Variants in CEP170 observed in about 807,000 individuals in gnomAD.
CEP170 encodes the protein centrosomal protein of 170 kDa.
Under a neutral mutation model 151.9 loss-of-function variants are expected in CEP170, and 21 were observed. The ratio of observed to expected loss-of-function variants is 0.14; its 90% CI spans 0.10 to 0.20. The LOEUF is 0.20. Ranked by LOEUF, CEP170 falls within the 10% of genes least tolerant of loss-of-function variation. CEP170 has a pLI of 1.00. For missense variants in CEP170, 964 were observed against 1,892.9 expected (o/e 0.51, Z 9.11); for synonymous variants, 356 against 648.8 (o/e 0.55, Z 6.86).
intron 1 of CEP170, among the ~76,000 whole-genome samples, chr1:243,246,193 CAG>C (rs1283315947): frequency 6.8e-6 from 1 of 147,900 alleles, no homozygotes; most frequent in African/African-American, 2.5e-5. Flanking sequence ...CACAGAAATT[CAG>C]AGTTAGAAAT....
At chr1:243,193,448 C>A (rs1183559456) in intron 7 of CEP170, among the ~76,000 whole-genome samples, 1 of 151,700 alleles carries the variant, frequency 6.6e-6, no homozygotes, top group Non-Finnish European at 1.5e-5. Flanking sequence ...AATACCACTA[C>A]ACAGAGAGCC....
chr1:243,188,596 G>A (rs575294686), intron 8 of CEP170, among the ~76,000 whole-genome samples: 1 of 152,122 alleles, frequency 6.6e-6, no homozygotes, highest in African/African-American at 2.4e-5. Context: ...ATATTTTTAG[G>A]GTAGGTTAGC....
chr1:243,150,831 A>G (rs2056997490), intron 14 of CEP170, among the ~76,000 whole-genome samples: 1 of 152,106 alleles, frequency 6.6e-6, no homozygotes, highest in Admixed American at 6.5e-5. Context: ...CAACTTGTCG[A>G]CTCTCTCAGG....
rs535828860 is a variant in CEP170, at chr1:243,195,654, C to T, written c.631+3406G>A. On this transcript the variant is annotated intron_variant, in intron 7 of 19. Coordinates refer to ENST00000366542, the MANE Select transcript of CEP170 (RefSeq NM_014812.3). ...ACAGGATAAATTATTAAACTAATCACGTATATTCCACAATTTGAAACTTAA... is the reference window on the plus strand; with the variant it reads ...ACAGGATAAATTATTAAACTAATCATGTATATTCCACAATTTGAAACTTAA... Among the ~76,000 whole-genome samples the T allele has an allele frequency of 1.3e-3, 199 of 151,958 alleles. 1 individual carries two copies. The highest frequency in any genetic ancestry group is 4.0e-3 in the African/African-American group (166 of 41,440).
At chr1:243,154,248 T>C (rs1249975910) in intron 14 of CEP170, among the ~76,000 whole-genome samples, 1 of 152,410 alleles carries the variant, frequency 6.6e-6, no homozygotes, top group East Asian at 1.9e-4. Context: ...ATTATCTTTT[T>C]CAAATAAAAG....
intron 1 of CEP170, among the ~76,000 whole-genome samples, chr1:243,230,658 A>C (rs982325381): frequency 6.6e-6 from 1 of 152,244 alleles, no homozygotes; most frequent in Non-Finnish European, 1.5e-5. Flanking sequence ...AGGAGGAGTT[A>C]GAAAGGTTCA....
rs780060066 is a variant in CEP170, at chr1:243,221,697, A to G, written c.195+27T>C. On this transcript the variant is annotated intron_variant, in intron 3 of 19. Coordinates refer to ENST00000366542, the MANE Select transcript of CEP170 (RefSeq NM_014812.3). ...TACAATATTAAACAAATGTTCAAAC[A>G]AGACAAAAAATAAACCATTGACTTA... 1.1e-5 allele frequency: 17 copies of G among 1,581,338 alleles called. No individual in the cohort carries two copies. In the South Asian group the frequency reaches 2.0e-4, roughly 18 times the overall value.
chr1:243,178,308 CA>C (rs869094317), intron 10 of CEP170, among the ~76,000 whole-genome samples: 143 of 30,416 alleles, frequency 4.7e-3, no homozygotes, highest in African/African-American at 0.013. Context: ...GACTCTGCCT[CA>C]AAAAAAAAAA....
chr1:243,223,524 G>T (rs2062986539), intron 2 of CEP170, among the ~76,000 whole-genome samples: 1 of 152,118 alleles, frequency 6.6e-6, no homozygotes, highest in South Asian at 2.1e-4. Flanking sequence ...TTGAAATCTG[G>T]AATATCCTTA....
intron 17 of CEP170, among the ~76,000 whole-genome samples, chr1:243,134,321 ATAT>A (rs1313406349): frequency 6.6e-6 from 1 of 152,222 alleles, no homozygotes; most frequent in Non-Finnish European, 1.5e-5. Flanking sequence ...AAATATTAAA[ATAT>A]TATTCTGTAG....
chr1:243,194,033 G>A (rs1363199760), intron 7 of CEP170, among the ~76,000 whole-genome samples: 2 of 151,908 alleles, frequency 1.3e-5, no homozygotes, highest in African/African-American at 2.4e-5. Flanking sequence ...AGACAGATAT[G>A]ACAATGCCTA....
At chr1:243,221,029 T>C (rs1369561574) in intron 3 of CEP170, among the ~76,000 whole-genome samples, 1 of 150,608 alleles carries the variant, frequency 6.6e-6, no homozygotes, top group Non-Finnish European at 1.5e-5. Flanking sequence ...TCTTTTCTTT[T>C]CTTTTTTTTG....
rs1171908414 is a variant in CEP170, at chr1:243,202,979, A to T, written c.275-2144T>A. On this transcript the variant is annotated intron_variant, in intron 4 of 19. Transcript: ENST00000366542. The stretch of plus-strand genomic sequence containing the variant: ...TTTAAACCTAGACACTCTTCAGGTC[A>T]TGGAGAGCTTGAGAGGAGCCATCCT... Among the ~76,000 whole-genome samples the T allele has an allele frequency of 2.6e-5, 4 of 152,258 alleles. No homozygotes were observed. In the East Asian group the frequency reaches 5.8e-4, roughly 22 times the overall value.
At chr1:243,250,762 T>TTC (rs763568605) in intron 1 of CEP170, among the ~76,000 whole-genome samples, 2 of 151,546 alleles carry the variant, frequency 1.3e-5, no homozygotes, top group African/African-American at 2.4e-5. Context: ...CATGTAACAT[T>TTC]TCTCTCTCTC....
chr1:243,141,234 C>A (rs1196776209), intron 15 of CEP170, among the ~76,000 whole-genome samples: 1 of 151,612 alleles, frequency 6.6e-6, no homozygotes, highest in Non-Finnish European at 1.5e-5. Context: ...ATAATCAATA[C>A]CAGGGGCTGG....
chr1:243,152,214 C>T (rs1259801741), intron 14 of CEP170, among the ~76,000 whole-genome samples: 1 of 151,882 alleles, frequency 6.6e-6, no homozygotes, highest in African/African-American at 2.4e-5. Flanking sequence ...GATCAAGGAG[C>T]CATTTTGATT....
chr1:243,178,308 CAAAAAAAAAAAA>C (rs869094317), intron 10 of CEP170, among the ~76,000 whole-genome samples: 1 of 30,422 alleles, frequency 3.3e-5, no homozygotes, highest in East Asian at 1.1e-3. Context: ...GACTCTGCCT[CAAAAAAAAAAAA>C]AAAAAAAAAA....
chr1:243,148,402 C>T (rs529311914), intron 14 of CEP170, among the ~76,000 whole-genome samples: 1 of 151,836 alleles, frequency 6.6e-6, no homozygotes, highest in South Asian at 2.1e-4. Context: ...GAAACCCCAT[C>T]TCTACTAAAA....
intron 7 of CEP170, among the ~76,000 whole-genome samples, chr1:243,196,522 T>A (rs534928905): frequency 6.6e-6 from 1 of 152,124 alleles, no homozygotes; most frequent in Non-Finnish European, 1.5e-5. Flanking sequence ...AAATTACATA[T>A]ACACTTCACT....
Sources: allele counts gnomAD v4.1 joint callset (sites outside exome capture counted in the v4.1 genomes callset), GRCh38; gene constraint gnomAD v4.1.1; transcripts MANE v1.5; gene names NCBI Gene and HGNC (gene_info 2026-07-23, HGNC 2026-07-21).